Variants in TNFRSF10B observed in about 807,000 individuals in gnomAD.
TNFRSF10B encodes TNF receptor superfamily member 10b.
TNFRSF10B carries 35 observed loss-of-function variants against 41.4 expected under a neutral mutation model. The observed-to-expected ratio is 0.85, with a 90% confidence interval of 0.65 to 1.12. TNFRSF10B has a LOEUF of 1.12. TNFRSF10B is among the 50% of genes most tolerant of loss of function. TNFRSF10B has a pLI of 0.00. For missense variants in TNFRSF10B, 584 were observed against 552.7 expected, an observed-to-expected ratio of 1.06 and a Z score of -0.57; for synonymous variants, 230 against 215.5, an observed-to-expected ratio of 1.07 and a Z score of -0.59.
At position 23,022,453 on chromosome 8, in the gene TNFRSF10B, T is replaced by C. The variant is rs781730119; in HGVS notation, c.*218A>G. 8 of 674,492 alleles carry C rather than the reference T, an allele frequency of 1.2e-5. No individual in the cohort carries two copies. The highest frequency in any genetic ancestry group is 3.7e-4 in the Middle Eastern group (1 of 2,698). 41.8% of individuals were successfully genotyped at this position (674,492 alleles called of 1,614,324 possible). A position where few individuals can be genotyped will look rare whatever the true frequency, so the allele number is the denominator to read the frequency against. On this transcript the variant is annotated 3_prime_UTR_variant, in exon 9 of 9. Coordinates refer to ENST00000276431, the MANE Select transcript of TNFRSF10B (RefSeq NM_003842.5). ...AAACGGAATGATCCAGACATTTCCA[T>C]AGTGTCCTTATTATCACATTCAGCT...
At position 23,022,423 on chromosome 8, in the gene TNFRSF10B, C is replaced by T. The variant is rs536018812; in HGVS notation, c.*248G>A. On this transcript the variant is annotated 3_prime_UTR_variant, in exon 9 of 9. Transcript: ENST00000276431. Reference sequence around the variant, plus strand: ...ACATCCCAAACCAAATCTCAAAGTACGCACAAACGGAATGATCCAGACATT... The same window carrying T: ...ACATCCCAAACCAAATCTCAAAGTATGCACAAACGGAATGATCCAGACATT... 5.1e-5 allele frequency: 32 copies of T among 629,904 alleles called. No homozygotes were observed. The highest frequency in any genetic ancestry group is 4.1e-4 in the Middle Eastern group (1 of 2,422). 39.0% of individuals were successfully genotyped at this position (629,904 alleles called of 1,614,324 possible). A position where few individuals can be genotyped will look rare whatever the true frequency, so the allele number is the denominator to read the frequency against.
intron 2 of TNFRSF10B, among the ~76,000 whole-genome samples, chr8:23,040,517 A>G (rs1276557422): frequency 1.3e-5 from 2 of 148,756 alleles, no homozygotes; most frequent in African/African-American, 4.9e-5. Context: ...AATATGCAGA[A>G]AAGAAAAGAA....
rs1300556095 is a variant in TNFRSF10B at position 23,029,711 on chromosome 8, C to G, written c.375G>C (p.Glu125Asp). ...TTCTGGTCGTGGTGCAGGGACTTAG[C>G]TCCACTTCACCTGACGACAGAGCAT... ...RCTRCDSGEV[E>D]LSPCTTTRNT... The change falls in exon 4 of 9, where the codon GAG (glutamate) becomes GAC (aspartate). Residue 125 changes from glutamate to aspartate, a missense_variant. Coordinates refer to ENST00000276431, the MANE Select transcript of TNFRSF10B (RefSeq NM_003842.5). 1.9e-6 allele frequency: 3 copies of G among 1,613,732 alleles called. No individual in the cohort carries two copies. Among genetic ancestry groups the G allele is most frequent in the Admixed American group, 1.7e-5 (1 of 59,978 alleles).
rs142057242 is a variant in TNFRSF10B, at chr8:23,028,402, A to G, written c.677T>C (p.Ile226Thr). 28 of 1,614,174 alleles carry G rather than the reference A, an allele frequency of 1.7e-5. No individual in the cohort carries two copies. The highest frequency in any genetic ancestry group is 5.3e-5 in the African/African-American group (4 of 75,032). ...IGVTVAAVVLIVAVFVCKSLL... is the reference protein window; with the variant it reads ...IGVTVAAVVLTVAVFVCKSLL... ...AGACTTGCAAACAAACACAGCCACA[A>G]TCAAGACTACGGCTGCAACTGTGAC... The change falls in exon 5 of 9, where the codon ATT becomes ACT. Residue 226 changes from isoleucine to threonine, a missense_variant. Ile to Thr is a moderately conservative substitution (Grantham distance 89). Coordinates refer to ENST00000276431, the MANE Select transcript of TNFRSF10B (RefSeq NM_003842.5).
At chr8:23,040,021 G>A (rs1171417493) in intron 2 of TNFRSF10B, among the ~76,000 whole-genome samples, 1 of 151,724 alleles carries the variant, frequency 6.6e-6, no homozygotes, top group African/African-American at 2.4e-5. Context: ...GTAAAACCCT[G>A]TCTCTGCTAA....
intron 1 of TNFRSF10B, among the ~76,000 whole-genome samples, chr8:23,058,921 A>G (rs1438946980): frequency 3.3e-5 from 5 of 152,184 alleles, no homozygotes; most frequent in Non-Finnish European, 7.3e-5. Flanking sequence ...TAATCTTTTA[A>G]AATACATAGT....
At chr8:23,028,074 A>G in intron 5 of TNFRSF10B, 1 of 604,452 alleles carries the variant, frequency 1.7e-6, no homozygotes, top group Non-Finnish European at 2.9e-6. Context: ...GGGCCTGAAG[A>G]TGGGAGGAAC....
chr8:23,025,990 G>A (rs998174463), intron 7 of TNFRSF10B, among the ~76,000 whole-genome samples: 1 of 152,036 alleles, frequency 6.6e-6, no homozygotes, highest in Non-Finnish European at 1.5e-5. Flanking sequence ...GTGAGAGGAT[G>A]ACATGAGCCC....
chr8:23,023,121 C>A, intron 8 of TNFRSF10B, 137 bp from the exon 9 acceptor site: 2 of 1,116,296 alleles, frequency 1.8e-6, no homozygotes, highest in Non-Finnish European at 2.6e-6. Context: ...CCAGTGCCCA[C>A]CCGCTTCCCA....
intron 2 of TNFRSF10B, among the ~76,000 whole-genome samples, chr8:23,040,310 T>A (rs1163707565): frequency 3.0e-5 from 1 of 33,478 alleles, no homozygotes; most frequent in African/African-American, 5.4e-5. Flanking sequence ...TAATATATAT[T>A]TAATAAATAT....
In TNFRSF10B at chr8:23,046,034, G is replaced by C. The variant is rs145347818; in HGVS notation, c.145-2791C>G. ...CCTTTAATATCAGGAACAACACAAG[G>C]ATGCTCACTCTCACCACCTCTTTTC... On this transcript the variant is annotated intron_variant, in intron 1 of 8. Transcript: ENST00000276431. Among the ~76,000 whole-genome samples the C allele has an allele frequency of 1.2e-3, 188 of 152,290 alleles. 2 individuals are homozygous for C. Among genetic ancestry groups the C allele is most frequent in the South Asian group, 0.01 (49 of 4,824 alleles).
chr8:23,063,262 C>T lies in TNFRSF10B; in HGVS notation c.144+5489G>A, dbSNP rs532609937. ...GTTCAGGAGGCTGAGGCAGGAGAAT[C>T]GCTTGAACCCAGGAGGCAGAGGTTG... is the stretch of plus-strand genomic sequence containing the variant. On this transcript the variant is annotated intron_variant, in intron 1 of 8. Coordinates refer to ENST00000276431, the MANE Select transcript of TNFRSF10B (RefSeq NM_003842.5). Among the ~76,000 whole-genome samples the T allele has an allele frequency of 4.0e-5, 6 of 151,488 alleles. No homozygotes were observed. The South Asian group carries it at 1.0e-3, about 26-fold the overall frequency.
In TNFRSF10B at chr8:23,024,219, C is replaced by T. The variant is rs1353230919; in HGVS notation, c.978G>A (p.Leu326=). Reference sequence around the variant, plus strand: ...TGGGATCACCTTCATTTGCTGGAACCAGCAGCCTCCTCCTCTGAGACCTTT... The same window carrying T: ...TGGGATCACCTTCATTTGCTGGAACTAGCAGCCTCCTCCTCTGAGACCTTT... The part of the protein sequence containing the change: ...EAERSQRRRL[L]VPANEGDPTE... The change falls in exon 8 of 9, where the codon CTG becomes CTA. Residue 326 remains leucine, a synonymous_variant. Coordinates refer to ENST00000276431, the MANE Select transcript of TNFRSF10B (RefSeq NM_003842.5). The T allele has an allele frequency of 1.9e-6, 3 of 1,613,980 alleles. No individual in the cohort carries two copies. Among genetic ancestry groups the T allele is most frequent in the African/African-American group, 2.7e-5 (2 of 74,888 alleles).
At chr8:23,041,850 G>T (rs928691135) in intron 2 of TNFRSF10B, among the ~76,000 whole-genome samples, 1 of 152,140 alleles carries the variant, frequency 6.6e-6, no homozygotes, top group Non-Finnish European at 1.5e-5. Context: ...GCCCATTGCA[G>T]TCCTGTCTCC....
At chr8:23,062,497 C>T (rs775789392) in intron 1 of TNFRSF10B, among the ~76,000 whole-genome samples, 14 of 152,182 alleles carry the variant, frequency 9.2e-5, no homozygotes, top group Non-Finnish European at 1.9e-4. Flanking sequence ...GGATTATAGG[C>T]GTGAGCCATC....
chr8:23,066,437 G>A (rs1812981350), intron 1 of TNFRSF10B, among the ~76,000 whole-genome samples: 1 of 152,150 alleles, frequency 6.6e-6, no homozygotes, highest in Non-Finnish European at 1.5e-5. Context: ...TGAACTTGAA[G>A]AGCCCTCACA....
At position 23,052,758 on chromosome 8, in the gene TNFRSF10B, C is replaced by T. The variant is rs1478986779; in HGVS notation, c.145-9515G>A. ...ATGTAAATAGTTGGTCTAAATTATG[C>T]AGGTCAAATACTAGGTTTGCTAAAT... On this transcript the variant is annotated intron_variant, in intron 1 of 8. Coordinates refer to ENST00000276431, the MANE Select transcript of TNFRSF10B (RefSeq NM_003842.5). Among the ~76,000 whole-genome samples the T allele has an allele frequency of 3.9e-5, 6 of 152,144 alleles. No homozygotes were observed. In the East Asian group the frequency reaches 1.2e-3, roughly 29 times the overall value.
chr8:23,049,459 C>T (rs912436334), intron 1 of TNFRSF10B, among the ~76,000 whole-genome samples: 1 of 152,148 alleles, frequency 6.6e-6, no homozygotes, highest in African/African-American at 2.4e-5. Context: ...CATGATTTAG[C>T]AGGAGACAAG....
chr8:23,068,698 C>T (rs1813075564), intron 1 of TNFRSF10B, 53 bp downstream of exon 1: 2 of 1,542,734 alleles, frequency 1.3e-6, no homozygotes, highest in Non-Finnish European at 1.7e-6. Context: ...TCCCTGCCCT[C>T]TCCAGGCGCC....
Sources: allele counts gnomAD v4.1 joint callset (sites outside exome capture counted in the v4.1 genomes callset), GRCh38; gene constraint gnomAD v4.1.1; transcripts MANE v1.5; gene names NCBI Gene and HGNC (gene_info 2026-07-23, HGNC 2026-07-21).